Variants in IYD observed in about 807,000 individuals in gnomAD.
The protein encoded by IYD is iodotyrosine deiodinase.
IYD carries 25 observed loss-of-function variants against 28.4 expected under a neutral mutation model. That is an observed-to-expected ratio of 0.88 (90% confidence interval 0.64 to 1.23). The LOEUF is 1.23. Among genes scored for constraint, IYD ranks in the 50% most tolerant of loss-of-function variants. IYD has a pLI of 0.00. For synonymous variants in IYD, 140 were observed against 130.8 expected (o/e 1.07, Z -0.48); for missense variants, 352 against 357.9 (o/e 0.98, Z 0.13).
intron 1 of IYD, chr6:150,370,603 C>G: frequency 1.0e-6 from 1 of 985,400 alleles, no homozygotes; most frequent in Non-Finnish European, 1.2e-6. Flanking sequence ...CCACTCAGAA[C>G]GTCAATTCTA....
chr6:150,394,302 T>A (rs2115057213), intron 4 of IYD, 47 bp downstream of exon 4: 1 of 1,605,658 alleles, frequency 6.2e-7, no homozygotes, highest in Non-Finnish European at 8.5e-7. Context: ...TTAGAACATT[T>A]CAGCTGAGTT....
At chr6:150,369,576 A>G (rs1777143048) in intron 1 of IYD, among the ~76,000 whole-genome samples, 1 of 152,148 alleles carries the variant, frequency 6.6e-6, no homozygotes, top group Non-Finnish European at 1.5e-5. Flanking sequence ...GAAATCTACC[A>G]AGTGGCATCA....
rs114847803 is a variant in IYD at position 150,370,415 on chromosome 6, G to A, written c.178+1206G>A. On this transcript the variant is annotated intron_variant, in intron 1 of 4. Coordinates refer to ENST00000344419, the MANE Select transcript of IYD (RefSeq NM_203395.3). Reference sequence around the variant, plus strand: ...TGTGCATGCATGAATGTGTGTGTGCGTGCGCATGAGTGTGTTTGTGAGAGA... The same window carrying A: ...TGTGCATGCATGAATGTGTGTGTGCATGCGCATGAGTGTGTTTGTGAGAGA... 2.4e-4 allele frequency: 194 copies of A among 819,780 alleles called. No homozygotes were observed. The African/African-American group carries it at 2.6e-3, about 11-fold the overall frequency. 50.8% of individuals were successfully genotyped at this position (819,780 alleles called of 1,614,324 possible).
chr6:150,381,293 A>G (rs952693060), intron 1 of IYD, among the ~76,000 whole-genome samples: 2 of 152,224 alleles, frequency 1.3e-5, no homozygotes, highest in Non-Finnish European at 2.9e-5. Flanking sequence ...TTTCCACTGT[A>G]TCTAGACTTT....
At chr6:150,387,724 T>C (rs961319613) in intron 1 of IYD, among the ~76,000 whole-genome samples, 5 of 152,292 alleles carry the variant, frequency 3.3e-5, no homozygotes, top group Middle Eastern at 3.4e-3. Flanking sequence ...TGTAACCTGC[T>C]AGTCAACCAT....
At chr6:150,388,505 C>T (rs748692863) in intron 1 of IYD, among the ~76,000 whole-genome samples, 1 of 152,148 alleles carries the variant, frequency 6.6e-6, no homozygotes, top group Non-Finnish European at 1.5e-5. Flanking sequence ...ATTTAGAGAT[C>T]TGAGTGGTTT....
intron 1 of IYD, among the ~76,000 whole-genome samples, chr6:150,373,673 A>G (rs1777350042): frequency 6.6e-6 from 1 of 152,194 alleles, no homozygotes; most frequent in African/African-American, 2.4e-5. Context: ...GGCAAGTGCT[A>G]TGAATCAGTG....
At chr6:150,396,028 G>T in intron 4 of IYD, 1 of 252,782 alleles carries the variant, frequency 4.0e-6, no homozygotes, top group East Asian at 7.9e-5. Flanking sequence ...TAATATACAA[G>T]CCTTTATTAA....
chr6:150,380,339 C>G (rs972784334), intron 1 of IYD, among the ~76,000 whole-genome samples: 1 of 152,128 alleles, frequency 6.6e-6, no homozygotes, highest in African/African-American at 2.4e-5. Context: ...ACTACCACAA[C>G]AACAACCACT....
chr6:150,395,529 C>T, intron 4 of IYD: 1 of 1,537,300 alleles, frequency 6.5e-7, no homozygotes, highest in Non-Finnish European at 8.7e-7. Flanking sequence ...GAAGAAGCAG[C>T]GAAGCCTGCA....
At chr6:150,376,224 A>T (rs1187234399) in intron 1 of IYD, among the ~76,000 whole-genome samples, 3 of 152,188 alleles carry the variant, frequency 2.0e-5, no homozygotes, top group African/African-American at 7.2e-5. Context: ...GCGAAATATG[A>T]AAAGAAATTT....
At chr6:150,388,657 T>TTC (rs1554231488) in intron 1 of IYD, among the ~76,000 whole-genome samples, 1 of 142,936 alleles carries the variant, frequency 7.0e-6, no homozygotes, top group African/African-American at 2.6e-5. Flanking sequence ...CTTTCTTTCT[T>TTC]TCTTTCTTTC....
intron 4 of IYD, 54 bp from the exon 5 acceptor site, chr6:150,398,001 G>T: frequency 6.6e-7 from 1 of 1,506,276 alleles, no homozygotes; most frequent in South Asian, 1.1e-5. Context: ...GTTAGAGGGA[G>T]AGCAGTCATT....
At chr6:150,396,561 T>A (rs192853059) in intron 4 of IYD, 9,093 of 661,584 alleles carry the variant, frequency 0.014, 110 homozygotes, top group Non-Finnish European at 0.018. Context: ...TAAATTAAGG[T>A]GTAAATATTT....
chr6:150,389,492 A>G lies in IYD; in HGVS notation c.319A>G (p.Ser107Gly), dbSNP rs765086728. Reference sequence around the variant, plus strand: ...TAAGAGACGGTCAGTCAGGTTCATAAGTAATGAGCAAGTCCCAATGGAAGT... The same window carrying G: ...TAAGAGACGGTCAGTCAGGTTCATAGGTAATGAGCAAGTCCCAATGGAAGT... ...LNKRRSVRFI[S>G]NEQVPMEVID... The change falls in exon 2 of 5, where the codon AGT becomes GGT. Residue 107 changes from serine to glycine, a missense_variant. Physicochemically the swap from Ser to Gly is moderately conservative, Grantham distance 56. Transcript: ENST00000344419. 13 of 1,614,148 alleles carry G rather than the reference A, an allele frequency of 8.1e-6. No homozygotes were observed. The Admixed American group carries it at 2.2e-4, about 27-fold the overall frequency.
Position 150,398,297 on chromosome 6 carries a change from G to A in IYD, c.*60G>A, listed in dbSNP as rs561751337. 89 of 1,536,380 alleles carry A rather than the reference G, an allele frequency of 5.8e-5. No homozygotes were observed. Among genetic ancestry groups the A allele is most frequent in the Non-Finnish European group, 7.5e-5 (83 of 1,112,228 alleles). ...GCCCCTGCTTTTCCCTGAGCCTCTC[G>A]CCTGCTCCTCTTGGGTCTCTTGGCT... On this transcript the variant is annotated 3_prime_UTR_variant, in exon 5 of 5. Coordinates refer to ENST00000344419, the MANE Select transcript of IYD (RefSeq NM_203395.3).
chr6:150,396,946 A>AG (rs1778346841), intron 4 of IYD: 1 of 152,398 alleles, frequency 6.6e-6, no homozygotes. Context: ...ATCAAGGAGA[A>AG]GAAACGCCAT....
Position 150,389,369 on chromosome 6 carries a change from G to A in IYD, c.196G>A (p.Glu66Lys). The change falls in exon 2 of 5, where the codon GAA (glutamate) becomes AAA (lysine). Residue 66 changes from glutamate (E) to lysine (K), a missense_variant. Glu to Lys is a moderately conservative substitution (Grantham distance 56, BLOSUM62 1). Transcript: ENST00000344419. ...QAEEDADEWQ[E>K]SEENVEHIPF... ...ATTTGCAGATGCTGATGAATGGCAA[G>A]AATCAGAAGAAAATGTTGAACACAT... 1.2e-6 allele frequency: 2 copies of A among 1,613,666 alleles called. No individual in the cohort carries two copies. The highest frequency in any genetic ancestry group is 1.7e-6 in the Non-Finnish European group (2 of 1,179,660).
chr6:150,371,234 C>A (rs1002282905), intron 1 of IYD, among the ~76,000 whole-genome samples: 1 of 152,180 alleles, frequency 6.6e-6, no homozygotes, highest in Non-Finnish European at 1.5e-5. Context: ...TGTAGTAAAT[C>A]ATTTCATCTT....
Sources: allele counts gnomAD v4.1 joint callset (sites outside exome capture counted in the v4.1 genomes callset), GRCh38; gene constraint gnomAD v4.1.1; transcripts MANE v1.5; gene names NCBI Gene and HGNC (gene_info 2026-07-23, HGNC 2026-07-21).